SGCD: variants seen among roughly 807,000 people sequenced by gnomAD.
SGCD encodes sarcoglycan delta, also known as delta-sarcoglycan.
SGCD carries 18 observed loss-of-function variants against 36.6 expected under a neutral mutation model. The observed-to-expected ratio is 0.49, with a 90% CI of 0.34 to 0.73. SGCD has a LOEUF of 0.73. SGCD is among the 30% of genes least tolerant of loss of function. The probability of loss-of-function intolerance (pLI) is 0.01; values close to 1 mark genes in which losing one functional copy is unlikely to be tolerated. For missense variants in SGCD, 387 were observed against 346.7 expected, an observed-to-expected ratio of 1.12 and a Z score of -0.92; for synonymous variants, 133 against 130.6, an observed-to-expected ratio of 1.02 and a Z score of -0.12.
rs1228700436 is a variant in SGCD, at chr5:155,885,153, A to C, written c.-282+14729A>C. Among the ~76,000 whole-genome samples, 5 of 116,898 alleles carry C rather than the reference A, an allele frequency of 4.3e-5. 2 individuals carry two copies. Among genetic ancestry groups the C allele is most frequent in the African/African-American group, 2.2e-4 (5 of 23,080 alleles). 76.7% of individuals were successfully genotyped at this position (116,898 alleles called of 152,430 possible). On this transcript the variant is annotated intron_variant, in intron 1 of 9. Coordinates refer to the SGCD transcript ENST00000517913. Reference sequence around the variant, plus strand: ...TCTATGGTCTATTTGGGTAGATGGTATATGTTCACTTTTTGGTCATTCAGT... The same window carrying C: ...TCTATGGTCTATTTGGGTAGATGGTCTATGTTCACTTTTTGGTCATTCAGT...
intron 4 of SGCD, among the ~76,000 whole-genome samples, chr5:156,562,122 G>C (rs910489528): frequency 1.3e-5 from 2 of 152,192 alleles, no homozygotes; most frequent in Non-Finnish European, 2.9e-5. Context: ...AATAGACCAA[G>C]ATTCTGTACC....
intron 1 of SGCD, among the ~76,000 whole-genome samples, chr5:155,916,647 T>C (rs1465702449): frequency 6.6e-6 from 1 of 152,204 alleles, no homozygotes; most frequent in African/African-American, 2.4e-5. Context: ...ATAGCTCAGA[T>C]ACAAAACATG....
At chr5:155,861,595 G>A in the SGCD span, among the ~76,000 whole-genome samples, 1 of 152,184 alleles carries the variant, frequency 6.6e-6, no homozygotes, top group Non-Finnish European at 1.5e-5. Flanking sequence ...GCATGCGCCT[G>A]TAGTCCCAGC....
intron 3 of SGCD, among the ~76,000 whole-genome samples, chr5:156,236,100 T>C (rs908997750): frequency 3.3e-5 from 5 of 152,174 alleles, no homozygotes; most frequent in Non-Finnish European, 5.9e-5. Flanking sequence ...AAGAGAAAAG[T>C]CTTATTTATA....
chr5:156,765,147 A>G lies in SGCD; in HGVS notation c.*5757A>G, dbSNP rs1039675531. 7 of 152,316 alleles carry G rather than the reference A, an allele frequency of 4.6e-5. No homozygotes were observed. The highest frequency in any genetic ancestry group is 3.9e-4 in the East Asian group (2 of 5,178). 9.4% of individuals were successfully genotyped at this position (152,316 alleles called of 1,614,324 possible). A position where few individuals can be genotyped will look rare whatever the true frequency, so the allele number is the denominator to read the frequency against. ...CTGCTTGATTTAAAATCCACCCCAC[A>G]TGCCTAGAGTTGTCTAATAGTCCCT... On this transcript the variant is annotated 3_prime_UTR_variant, in exon 9 of 9. Coordinates refer to ENST00000337851, the MANE Select transcript of SGCD (RefSeq NM_000337.6).
chr5:155,793,630 G>A, the SGCD span, among the ~76,000 whole-genome samples: 56 of 150,590 alleles, frequency 3.7e-4, no homozygotes, highest in East Asian at 1.4e-3. Flanking sequence ...CAACCTCTAC[G>A]TCCTGGGTTC....
chr5:156,068,454 C>A lies in SGCD; in HGVS notation c.-281-49424C>A, dbSNP rs963538262. On this transcript the variant is annotated intron_variant, in intron 1 of 9. Transcript: ENST00000517913. The stretch of plus-strand genomic sequence containing the variant: ...ATGTCCCTACAAAGGACATGAACTC[C>A]TCATTTTTTATGGCTGCATAGTATT... Among the ~76,000 whole-genome samples the A allele has an allele frequency of 2.5e-4, 38 of 151,908 alleles. 1 individual carries two copies. The highest frequency in any genetic ancestry group is 8.5e-4 in the African/African-American group (35 of 41,386).
At chr5:155,835,826 G>A in the SGCD span, among the ~76,000 whole-genome samples, 1 of 152,120 alleles carries the variant, frequency 6.6e-6, no homozygotes, top group Admixed American at 6.6e-5. Flanking sequence ...TAAACAATTT[G>A]TAAGTTTTAC....
intron 3 of SGCD, among the ~76,000 whole-genome samples, chr5:156,297,159 A>G (rs1360872857): frequency 6.6e-6 from 1 of 152,058 alleles, no homozygotes; most frequent in African/African-American, 2.4e-5. Context: ...CAAGCATTCC[A>G]CTGATACTCT....
chr5:155,998,167 A>G (rs1758594286), intron 1 of SGCD, among the ~76,000 whole-genome samples: 1 of 152,226 alleles, frequency 6.6e-6, no homozygotes, highest in Non-Finnish European at 1.5e-5. Flanking sequence ...ATAATTTTAC[A>G]AAGTAATGAA....
intron 1 of SGCD, among the ~76,000 whole-genome samples, chr5:155,892,035 A>G (rs1477911767): frequency 3.3e-5 from 5 of 152,136 alleles, no homozygotes; most frequent in Non-Finnish European, 4.4e-5. Context: ...TTTTGTTTTT[A>G]AATGTGGTCA....
At chr5:156,073,167 TTCAG>T (rs1279844479) in intron 1 of SGCD, among the ~76,000 whole-genome samples, 2 of 152,162 alleles carry the variant, frequency 1.3e-5, no homozygotes, top group Admixed American at 1.3e-4. Context: ...ATGAATGAAA[TTCAG>T]GAAACTTGCT....
chr5:156,112,786 T>C (rs1212512000), intron 1 of SGCD, among the ~76,000 whole-genome samples: 2 of 152,178 alleles, frequency 1.3e-5, no homozygotes, highest in Non-Finnish European at 2.9e-5. Flanking sequence ...TGCCTTGATA[T>C]GAGATGACAG....
At chr5:156,362,756 G>A (rs2127732264) in intron 3 of SGCD, among the ~76,000 whole-genome samples, 1 of 152,260 alleles carries the variant, frequency 6.6e-6, no homozygotes, top group East Asian at 1.9e-4. Flanking sequence ...GGGATACTTG[G>A]GAGCATTTCA....
At chr5:156,317,090 A>G (rs1767537057) in intron 3 of SGCD, among the ~76,000 whole-genome samples, 2 of 152,146 alleles carry the variant, frequency 1.3e-5, no homozygotes, top group Admixed American at 1.3e-4. Flanking sequence ...AAATAAGGGT[A>G]GAATTTGGTT....
At chr5:156,394,976 GT>G (rs1388168057) in intron 3 of SGCD, among the ~76,000 whole-genome samples, 2 of 152,198 alleles carry the variant, frequency 1.3e-5, no homozygotes, top group African/African-American at 4.8e-5. Context: ...CTTTATCCGT[GT>G]ATTGAAAAAT....
chr5:155,937,343 G>A (rs1349233426), intron 1 of SGCD, among the ~76,000 whole-genome samples: 4 of 152,198 alleles, frequency 2.6e-5, no homozygotes, highest in African/African-American at 9.7e-5. Flanking sequence ...ATATTGAAGC[G>A]GTGCTGGAGC....
chr5:156,185,425 A>G (rs904817513), intron 3 of SGCD, among the ~76,000 whole-genome samples: 4 of 151,948 alleles, frequency 2.6e-5, no homozygotes, highest in Non-Finnish European at 4.4e-5. Flanking sequence ...CACGTTAGCC[A>G]GGATGGTCTC....
At chr5:156,574,078 A>G in intron 4 of SGCD, among the ~76,000 whole-genome samples, 1 of 152,118 alleles carries the variant, frequency 6.6e-6, no homozygotes, top group East Asian at 1.9e-4. Flanking sequence ...TTTTGCATAT[A>G]TCGTCTTCTC....
Sources: allele counts gnomAD v4.1 joint callset (sites outside exome capture counted in the v4.1 genomes callset), GRCh38; gene constraint gnomAD v4.1.1; transcripts MANE v1.5; gene names NCBI Gene and HGNC (gene_info 2026-07-23, HGNC 2026-07-21).